The following CNTN5 variants were observed in gnomAD, a reference collection of about 807,000 sequenced individuals.
The protein encoded by CNTN5 is contactin-5.
Under a neutral mutation model 129.1 loss-of-function variants are expected in CNTN5, and 77 were observed. The observed-to-expected ratio is 0.60, with a 90% CI of 0.50 to 0.72. The LOEUF (loss-of-function observed/expected upper bound fraction) is 0.72, where lower values mean the gene tolerates loss of function less well. Among genes scored for constraint, CNTN5 ranks in the 30% least tolerant of loss-of-function variants. The pLI is 0.00. For synonymous variants in CNTN5, 509 were observed against 465.6 expected, an observed-to-expected ratio of 1.09 and a Z score of -1.20; for missense variants, 1,478 against 1,328.8, an observed-to-expected ratio of 1.11 and a Z score of -1.75.
At chr11:100,226,705 C>T (rs968694681) in intron 16 of CNTN5, among the ~76,000 whole-genome samples, 7 of 152,078 alleles carry the variant, frequency 4.6e-5, no homozygotes, top group African/African-American at 2.4e-5. Flanking sequence ...CTTGTCATTT[C>T]TTCCTGGTGA....
chr11:100,109,462 G>C (rs898655437), intron 13 of CNTN5, among the ~76,000 whole-genome samples: 1 of 151,938 alleles, frequency 6.6e-6, no homozygotes, highest in Non-Finnish European at 1.5e-5. Context: ...CCCAAACAAG[G>C]AATCAATCAC....
Position 100,106,881 on chromosome 11 carries a change from G to A in CNTN5, c.1580+32587G>A, listed in dbSNP as rs549818618. Among the ~76,000 whole-genome samples the A allele has an allele frequency of 2.6e-5, 4 of 152,168 alleles. No homozygotes were observed. The South Asian group carries it at 8.3e-4, about 32-fold the overall frequency. Reference sequence around the variant, plus strand: ...TGAGACAAAAGTAAAATATCCTACTGTTTTTAGAAGCACCTGGTATTCACT... The same window carrying A: ...TGAGACAAAAGTAAAATATCCTACTATTTTTAGAAGCACCTGGTATTCACT... On this transcript the variant is annotated intron_variant, in intron 13 of 24. Coordinates refer to ENST00000524871, the MANE Select transcript of CNTN5 (RefSeq NM_014361.4).
chr11:99,507,994 A>G (rs1946689818), intron 2 of CNTN5, among the ~76,000 whole-genome samples: 1 of 152,226 alleles, frequency 6.6e-6, no homozygotes, highest in Non-Finnish European at 1.5e-5. Context: ...TCACTTCATT[A>G]CAGAGCAACA....
At chr11:99,045,689 G>C (rs1181393493) in intron 1 of CNTN5, among the ~76,000 whole-genome samples, 1 of 152,130 alleles carries the variant, frequency 6.6e-6, no homozygotes, top group African/African-American at 2.4e-5. Flanking sequence ...AATCTTAATA[G>C]ATTGCAAAAC....
chr11:99,777,644 T>C (rs1436170960), intron 3 of CNTN5, among the ~76,000 whole-genome samples: 1 of 151,830 alleles, frequency 6.6e-6, no homozygotes, highest in Non-Finnish European at 1.5e-5. Flanking sequence ...AGTAAATGTG[T>C]GGTTGCCAAG....
intron 3 of CNTN5, among the ~76,000 whole-genome samples, chr11:99,684,448 C>T (rs1254583888): frequency 6.6e-6 from 1 of 151,872 alleles, no homozygotes; most frequent in African/African-American, 2.4e-5. Context: ...CTCTTCCAAT[C>T]TTACTTTGTG....
chr11:99,684,458 G>A lies in CNTN5; in HGVS notation c.55+128189G>A, dbSNP rs535282483. On this transcript the variant is annotated intron_variant, in intron 3 of 24. Transcript: ENST00000524871. ...TCCTTCTCTTCCAATCTTACTTTGT[G>A]TGCATTCATTCATTCATTCATTCAT... 5.9e-5 allele frequency among the ~76,000 whole-genome samples: 9 copies of A among 151,860 alleles called. No individual in the cohort carries two copies. The East Asian group carries it at 1.7e-3, about 29-fold the overall frequency.
At chr11:99,333,271 T>A (rs2136032006) in intron 2 of CNTN5, among the ~76,000 whole-genome samples, 1 of 152,166 alleles carries the variant, frequency 6.6e-6, no homozygotes, top group Middle Eastern at 3.4e-3. Flanking sequence ...AGAAACACAT[T>A]TTTGGATCAC....
At chr11:100,060,633 T>C (rs1408440264) in intron 9 of CNTN5, among the ~76,000 whole-genome samples, 1 of 104,082 alleles carries the variant, frequency 9.6e-6, no homozygotes, top group East Asian at 5.4e-4. Context: ...ACATAACAAT[T>C]TTTTTTCTTT....
At chr11:99,733,133 G>A (rs376535608) in intron 3 of CNTN5, among the ~76,000 whole-genome samples, 6 of 151,726 alleles carry the variant, frequency 4.0e-5, no homozygotes, top group South Asian at 2.1e-4. Flanking sequence ...AGACAAGCCC[G>A]GTCAAGATGG....
chr11:99,747,009 G>T (rs1326898467), intron 3 of CNTN5, among the ~76,000 whole-genome samples: 2 of 152,148 alleles, frequency 1.3e-5, no homozygotes, highest in Non-Finnish European at 2.9e-5. Flanking sequence ...GATAGTTTTG[G>T]ATAGTACAGA....
chr11:100,209,238 T>C (rs1271521178), intron 15 of CNTN5, among the ~76,000 whole-genome samples: 2 of 152,192 alleles, frequency 1.3e-5, no homozygotes, highest in Non-Finnish European at 2.9e-5. Context: ...AATTTAGATT[T>C]TATGTGTGGT....
intron 8 of CNTN5, among the ~76,000 whole-genome samples, chr11:99,993,043 T>C (rs6590489): frequency 0.38 from 57,468 of 152,068 alleles, 12,361 homozygotes; most frequent in African/African-American, 0.59. Context: ...TTTTGATCTT[T>C]GACTGTGTGT....
chr11:99,780,259 A>G (rs1259338336), intron 3 of CNTN5, among the ~76,000 whole-genome samples: 2 of 152,028 alleles, frequency 1.3e-5, no homozygotes. Flanking sequence ...ACGTTAGTAT[A>G]TTTACAAGCA....
chr11:99,092,098 G>A (rs1394571551), intron 1 of CNTN5, among the ~76,000 whole-genome samples: 1 of 152,070 alleles, frequency 6.6e-6, no homozygotes, highest in Non-Finnish European at 1.5e-5. Flanking sequence ...AAGAAAATGT[G>A]TTTTTTGTTG....
intron 1 of CNTN5, among the ~76,000 whole-genome samples, chr11:99,226,002 T>C (rs917730198): frequency 2.0e-4 from 31 of 152,180 alleles, no homozygotes; most frequent in African/African-American, 7.5e-4. Context: ...ATCATTTTAC[T>C]AAGGTACATA....
intron 2 of CNTN5, among the ~76,000 whole-genome samples, chr11:99,491,478 C>T: frequency 6.6e-6 from 1 of 152,000 alleles, no homozygotes; most frequent in East Asian, 1.9e-4. Flanking sequence ...CATAGAAGAG[C>T]CTGAGATTTC....
intron 2 of CNTN5, among the ~76,000 whole-genome samples, chr11:99,427,496 G>A (rs1392613823): frequency 6.6e-6 from 1 of 152,130 alleles, no homozygotes; most frequent in African/African-American, 2.4e-5. Flanking sequence ...GCCTGGCGCG[G>A]TGGCTCACGC....
intron 3 of CNTN5, among the ~76,000 whole-genome samples, chr11:99,776,072 T>G (rs1413295203): frequency 6.6e-6 from 1 of 152,040 alleles, no homozygotes; most frequent in African/African-American, 2.4e-5. Flanking sequence ...GAAATGATTT[T>G]CATTTTCATT....
Sources: gnomAD v4.1 joint callset for allele counts (sites outside exome capture counted in the v4.1 genomes callset) on GRCh38, gnomAD v4.1.1 for gene constraint, MANE v1.5 for transcripts, NCBI Gene and HGNC (gene_info 2026-07-23, HGNC 2026-07-21) for gene names.